IQGAP2: variants seen among roughly 807,000 people sequenced by gnomAD.
The protein encoded by IQGAP2 is IQ motif containing GTPase activating protein 2, also known as ras GTPase-activating-like protein IQGAP2.
Under a neutral mutation model 201.3 loss-of-function variants are expected in IQGAP2, and 173 were observed. The observed-to-expected ratio is 0.86, with a 90% CI of 0.76 to 0.98. The LOEUF (loss-of-function observed/expected upper bound fraction) is 0.98. Ranked by LOEUF, IQGAP2 falls within the 50% of genes least tolerant of loss-of-function variation. The probability of loss-of-function intolerance (pLI) is 0.00; values close to 1 mark genes in which losing one functional copy is unlikely to be tolerated. For synonymous variants in IQGAP2, 675 were observed against 673.9 expected, an observed-to-expected ratio of 1.00 and a Z score of -0.03; for missense variants, 1,687 against 1,864.8, an observed-to-expected ratio of 0.90 and a Z score of 1.76.
intron 2 of IQGAP2, among the ~76,000 whole-genome samples, chr5:76,533,194 C>T (rs1759417828): frequency 6.6e-6 from 1 of 151,908 alleles, no homozygotes; most frequent in Non-Finnish European, 1.5e-5. Context: ...ACTTTGGTAT[C>T]TGATATTGCT....
In IQGAP2 at chr5:76,487,181, C is replaced by T. The variant is rs543427637; in HGVS notation, c.146+25512C>T. 8.6e-5 allele frequency among the ~76,000 whole-genome samples: 13 copies of T among 151,846 alleles called. No individual in the cohort carries two copies. The South Asian group carries it at 2.5e-3, about 29-fold the overall frequency. ...TGGCACAATCTCAGCTCGCTGCAAC[C>T]TCCGCCTCCCAGGTTCAAGCAGTTT... On this transcript the variant is annotated intron_variant, in intron 2 of 35. Coordinates refer to ENST00000274364, the MANE Select transcript of IQGAP2 (RefSeq NM_006633.5).
chr5:76,412,157 G>A (rs28528182), intron 1 of IQGAP2, among the ~76,000 whole-genome samples: 1 of 152,142 alleles, frequency 6.6e-6, no homozygotes. Context: ...CCAAATTGCA[G>A]GGAAACTACC....
chr5:76,596,029 T>G (rs1006577996), intron 9 of IQGAP2, among the ~76,000 whole-genome samples: 3 of 152,170 alleles, frequency 2.0e-5, no homozygotes, highest in Non-Finnish European at 4.4e-5. Context: ...AATGCTAAGG[T>G]TCTCAGGGTC....
At position 76,657,532 on chromosome 5, in the gene IQGAP2, G is replaced by A. The variant is rs1742859538; in HGVS notation, c.2321-927G>A. Among the ~76,000 whole-genome samples the A allele has an allele frequency of 4.6e-5, 7 of 152,264 alleles. No homozygotes were observed. The South Asian group carries it at 1.5e-3, about 32-fold the overall frequency. ...CACAGAACTAAGGTGGAAGTAAAAG[G>A]AAGACTGTCAAGGGCCTAGGTGTAA... On this transcript the variant is annotated intron_variant, in intron 20 of 35. Transcript: ENST00000274364.
chr5:76,442,336 C>T (rs1181188105), intron 1 of IQGAP2, among the ~76,000 whole-genome samples: 1 of 152,200 alleles, frequency 6.6e-6, no homozygotes. Flanking sequence ...AGTCTGATCT[C>T]ATTTCCTTGA....
intron 2 of IQGAP2, among the ~76,000 whole-genome samples, chr5:76,532,257 A>G (rs1316508376): frequency 2.0e-5 from 3 of 152,212 alleles, no homozygotes; most frequent in African/African-American, 7.2e-5. Context: ...CTATAGTCCC[A>G]GATACTCAAG....
At chr5:76,575,516 G>C (rs1745411352) in intron 4 of IQGAP2, among the ~76,000 whole-genome samples, 177 bp from the exon 5 acceptor site, 2 of 152,090 alleles carry the variant, frequency 1.3e-5, no homozygotes, top group South Asian at 4.1e-4. Flanking sequence ...GTCAGGCAGG[G>C]GTCCAGATAT....
chr5:76,557,389 C>A (rs973064905), intron 2 of IQGAP2, among the ~76,000 whole-genome samples: 2 of 152,024 alleles, frequency 1.3e-5, no homozygotes, highest in Admixed American at 1.3e-4. Context: ...CATGATAATC[C>A]CCATAAAGTA....
intron 2 of IQGAP2, among the ~76,000 whole-genome samples, chr5:76,480,597 A>AT (rs1452738897): frequency 6.6e-6 from 1 of 152,204 alleles, no homozygotes; most frequent in Non-Finnish European, 1.5e-5. Flanking sequence ...TTTGTGTCTC[A>AT]TATACATAGG....
chr5:76,589,652 A>T lies in IQGAP2; in HGVS notation c.564A>T (p.Lys188Asn), dbSNP rs765719063. 8 of 1,608,008 alleles carry T rather than the reference A, an allele frequency of 5.0e-6. No homozygotes were observed. The highest frequency in any genetic ancestry group is 6.8e-6 in the Non-Finnish European group (8 of 1,176,800). Residue 188 changes from lysine to asparagine, a missense_variant, in exon 7 of 36, where the codon AAA becomes AAT. By Grantham distance (94) the Lys-to-Asn change is moderately conservative (BLOSUM62 0). Coordinates refer to ENST00000274364, the MANE Select transcript of IQGAP2 (RefSeq NM_006633.5). ...EISNMRKELE[K>N]YGIQMPSFSK... Reference sequence around the variant, plus strand: ...GTAATATGAGAAAAGAACTTGAGAAATATGGAATACAGATGCCATCTTTCA... The same window carrying T: ...GTAATATGAGAAAAGAACTTGAGAATTATGGAATACAGATGCCATCTTTCA...
At chr5:76,433,352 C>T (rs1032394380) in intron 1 of IQGAP2, among the ~76,000 whole-genome samples, 2 of 152,096 alleles carry the variant, frequency 1.3e-5, no homozygotes, top group African/African-American at 4.8e-5. Flanking sequence ...AGGCTTAAGG[C>T]TCTGGGTCAT....
At chr5:76,429,554 A>G (rs977313716) in intron 1 of IQGAP2, among the ~76,000 whole-genome samples, 1 of 147,884 alleles carries the variant, frequency 6.8e-6, no homozygotes, top group Admixed American at 6.8e-5. Context: ...CCTGGGCGAC[A>G]GAGCGAGACT....
At chr5:76,650,030 A>G (rs1580721747) in intron 17 of IQGAP2, among the ~76,000 whole-genome samples, 1 of 152,210 alleles carries the variant, frequency 6.6e-6, no homozygotes, top group African/African-American at 2.4e-5. Context: ...AGCGGCTGGG[A>G]TGCAGGGATT....
At chr5:76,520,700 C>CTTTTTT (rs5868829) in intron 2 of IQGAP2, among the ~76,000 whole-genome samples, 26 of 109,216 alleles carry the variant, frequency 2.4e-4, no homozygotes, top group African/African-American at 8.0e-4. Context: ...GGTCTCTCCT[C>CTTTTTT]TTTTTTTTTT....
chr5:76,672,328 T>C (rs537433372), intron 24 of IQGAP2, among the ~76,000 whole-genome samples: 4 of 152,304 alleles, frequency 2.6e-5, no homozygotes, highest in African/African-American at 9.6e-5. Flanking sequence ...CTTTAAGGTG[T>C]AAGGTTTAAC....
chr5:76,588,216 A>G (rs1050006133), intron 5 of IQGAP2, among the ~76,000 whole-genome samples: 2 of 152,204 alleles, frequency 1.3e-5, no homozygotes, highest in Admixed American at 1.3e-4. Flanking sequence ...ACTTGAAACT[A>G]TGACTCAGTG....
intron 2 of IQGAP2, among the ~76,000 whole-genome samples, chr5:76,515,211 A>T (rs1175442246): frequency 6.6e-6 from 1 of 152,230 alleles, no homozygotes; most frequent in African/African-American, 2.4e-5. Flanking sequence ...CATGCTTACC[A>T]TGCTTGTTAC....
At chr5:76,612,138 T>G (rs1398888864) in intron 13 of IQGAP2, among the ~76,000 whole-genome samples, 1 of 152,222 alleles carries the variant, frequency 6.6e-6, no homozygotes, top group African/African-American at 2.4e-5. Flanking sequence ...TTGCCATCAT[T>G]ATTGCCATCT....
chr5:76,591,392 A>G (rs1219261989), intron 8 of IQGAP2, among the ~76,000 whole-genome samples: 4 of 150,742 alleles, frequency 2.7e-5, no homozygotes, highest in South Asian at 2.1e-4. Context: ...GCCTGCTCCT[A>G]ATCGTAACTC....
Sources: allele counts gnomAD v4.1 joint callset (sites outside exome capture counted in the v4.1 genomes callset), GRCh38; gene constraint gnomAD v4.1.1; transcripts MANE v1.5; gene names NCBI Gene and HGNC (gene_info 2026-07-23, HGNC 2026-07-21).